The following SLC26A6 variants were observed in gnomAD, a reference collection of about 807,000 sequenced individuals.
The protein encoded by SLC26A6 is anion exchange transporter.
In SLC26A6, 67 loss-of-function variants were observed where a neutral mutation model predicts 87.1. That is an observed-to-expected ratio of 0.77 (90% confidence interval 0.63 to 0.94). The LOEUF (loss-of-function observed/expected upper bound fraction) is 0.94. SLC26A6 is among the 40% of genes least tolerant of loss of function. The pLI is 0.00. For missense variants in SLC26A6, 902 were observed against 973.0 expected, an observed-to-expected ratio of 0.93 and a Z score of 0.97; for synonymous variants, 414 against 405.9, an observed-to-expected ratio of 1.02 and a Z score of -0.24.
intron 7 of SLC26A6, 98 bp from the exon 8 acceptor site, chr3:48,631,404 C>T: frequency 7.4e-7 from 1 of 1,357,512 alleles, no homozygotes; most frequent in Admixed American, 2.8e-5. Context: ...CTGGGCAAAA[C>T]CTTCTTCGAG....
rs184187143 is a variant in SLC26A6, at chr3:48,628,699, C to A, written c.1615G>T (p.Gly539Trp). ...GCCGAGGAGCGGAAGACCTTCACCC[C>A]CCGGACTTCCTTGGCCTGGGGATGA... ...AEYSEAKEVR[G>W]VKVFRSSATV... The change falls in exon 15 of 21, where the codon GGG (glycine) becomes TGG (tryptophan). Residue 539 changes from glycine to tryptophan, a missense_variant. Coordinates refer to ENST00000395550, the MANE Select transcript of SLC26A6 (RefSeq NM_022911.3). The surrounding 1 kb of genome is among the most constrained non-coding windows in gnomAD (Gnocchi z 4.4). 3 of 1,613,402 alleles carry A rather than the reference C, an allele frequency of 1.9e-6. No individual in the cohort carries two copies. The highest frequency in any genetic ancestry group is 1.7e-5 in the Admixed American group (1 of 60,002).
chr3:48,635,427 C>T lies in SLC26A6; in HGVS notation c.-34G>A. The T allele has an allele frequency of 6.4e-7, 1 of 1,567,484 alleles. No homozygotes were observed. The highest frequency in any genetic ancestry group is 8.6e-7 in the Non-Finnish European group (1 of 1,158,022). On this transcript the variant is annotated 5_prime_UTR_variant, in exon 1 of 21. Transcript: ENST00000395550. ...AGTTGTCCGGTGCGGGCTGCTCCTG[C>T]TGCTCGAGCTAGAGGCCGCTACGCT... is the stretch of plus-strand genomic sequence containing the variant.
chr3:48,631,324 G>A lies in SLC26A6; in HGVS notation c.904-18C>T. The A allele has an allele frequency of 6.4e-7, 1 of 1,556,476 alleles. No homozygotes were observed. The highest frequency in any genetic ancestry group is 8.7e-7 in the Non-Finnish European group (1 of 1,151,084). ...CCGATGAGCTGTGGGAGAGGACAGA[G>A]TCAGGGAGGCAGGTGCTGGCACCAT... On this transcript the variant is annotated intron_variant, in intron 7 of 20. Transcript: ENST00000395550.
chr3:48,627,731 G>A (rs2046665576), intron 17 of SLC26A6: 1 of 449,246 alleles, frequency 2.2e-6, no homozygotes, highest in Admixed American at 4.5e-5. Context: ...ACAAATTCAA[G>A]GTCTTCATCT....
rs186591921 is a variant in SLC26A6 at position 48,626,290 on chromosome 3, G to T, written c.2193C>A (p.Leu731=). 3.2e-4 allele frequency: 523 copies of T among 1,614,076 alleles called. No individual in the cohort carries two copies. The highest frequency in any genetic ancestry group is 4.3e-4 in the Admixed American group (26 of 60,026). The change falls in exon 20 of 21, where the codon CTC becomes CTA. Residue 731 remains leucine, a synonymous_variant. Coordinates refer to ENST00000395550, the MANE Select transcript of SLC26A6 (RefSeq NM_022911.3). ...TGACAGCATCATGGACAGAGGCAAA[G>T]AGATGCTTCTTGGTGATGGATGCAT... is the stretch of plus-strand genomic sequence containing the variant. ...FFDASITKKH[L]FASVHDAVTF...
chr3:48,628,101 A>C lies in SLC26A6; in HGVS notation c.1801-63T>G. On this transcript the variant is annotated intron_variant, in intron 16 of 20. Coordinates refer to ENST00000395550, the MANE Select transcript of SLC26A6 (RefSeq NM_022911.3). This position sits in a 1 kb window ranked among gnomAD's most constrained non-coding sequence, Gnocchi z 4.4. ...CCGGCTGCCATGACAGCCATGTCAC[A>C]TAGGCCTGGTGATGCCCCCTGGTGC... 1 of 1,443,084 alleles carries C rather than the reference A, an allele frequency of 6.9e-7. No homozygotes were observed. Among genetic ancestry groups the C allele is most frequent in the Non-Finnish European group, 9.4e-7 (1 of 1,066,234 alleles). The allele number at this position is 1,443,084 out of a possible 1,614,324, so 89.4% of individuals were successfully genotyped here. A position where few individuals can be genotyped will look rare whatever the true frequency, so the allele number is the denominator to read the frequency against.
In SLC26A6 at chr3:48,625,950, C is replaced by T; in HGVS notation, c.*36G>A. The stretch of plus-strand genomic sequence containing the variant: ...GGGGCTTCTCAAGGGTGCCCTGCAC[C>T]TCCAGAGGTGCAGTCTTGGGCAGGA... On this transcript the variant is annotated 3_prime_UTR_variant, in exon 21 of 21. Transcript: ENST00000395550. This position sits in a 1 kb window ranked among gnomAD's most constrained non-coding sequence, Gnocchi z 4.7. The T allele has an allele frequency of 1.9e-6, 3 of 1,613,620 alleles. No homozygotes were observed. The highest frequency in any genetic ancestry group is 2.2e-5 in the South Asian group (2 of 90,950).
intron 9 of SLC26A6, 126 bp from the exon 10 acceptor site, chr3:48,630,846 T>A (rs2046766897): frequency 2.7e-6 from 4 of 1,494,740 alleles, no homozygotes; most frequent in Non-Finnish European, 3.7e-6. Flanking sequence ...CTGGATGCTG[T>A]CCCACACGTC....
intron 17 of SLC26A6, chr3:48,627,657 T>A (rs1016418731): frequency 3.6e-6 from 1 of 279,138 alleles, no homozygotes; most frequent in Non-Finnish European, 6.6e-6. Flanking sequence ...CTTGATTTTC[T>A]CCCATATACC....
chr3:48,632,834 G>T (rs1225015784), intron 4 of SLC26A6, 140 bp downstream of exon 4: 2 of 837,602 alleles, frequency 2.4e-6, no homozygotes, highest in African/African-American at 1.7e-5. Flanking sequence ...GCCTGGGGAT[G>T]ACTCGTGGGC....
Position 48,635,450 on chromosome 3 carries a change from G to A in SLC26A6, c.-57C>T, listed in dbSNP as rs2046931354. The A allele has an allele frequency of 1.9e-6, 3 of 1,546,988 alleles. No homozygotes were observed. The highest frequency in any genetic ancestry group is 3.9e-5 in the Admixed American group (2 of 51,654). ...TGCTGCTCGAGCTAGAGGCCGCTAC[G>A]CTCCGGAAGGCGGCGCCGGGACCGG... On this transcript the variant is annotated 5_prime_UTR_variant, in exon 1 of 21. Coordinates refer to ENST00000395550, the MANE Select transcript of SLC26A6 (RefSeq NM_022911.3).
rs1197326223 is a variant in SLC26A6 at position 48,629,942 on chromosome 3, G to T, written c.1459C>A (p.Leu487Met). The change falls in exon 13 of 21, where the codon CTG becomes ATG. Residue 487 changes from leucine to methionine, a missense_variant. Leu to Met is a conservative substitution (Grantham distance 15, BLOSUM62 2). Transcript: ENST00000395550. Reference protein sequence around the residue: ...WLVTFTATILLNLDLGLVVAV... With the variant: ...WLVTFTATILMNLDLGLVVAV... ...ACCACCAAGCCAAGGTCCAGGTTCA[G>T]CAAGATGGTGGCCGTGAAGGTCACC... The T allele has an allele frequency of 1.9e-6, 3 of 1,614,148 alleles. No individual in the cohort carries two copies. The highest frequency in any genetic ancestry group is 2.2e-5 in the East Asian group (1 of 44,882).
At chr3:48,627,917 G>A in intron 17 of SLC26A6, 29 bp downstream of exon 17, 1 of 1,572,212 alleles carries the variant, frequency 6.4e-7, no homozygotes, top group Middle Eastern at 1.7e-4. Context: ...GCTCACAGCT[G>A]TCACCTCCTT....
At position 48,630,092 on chromosome 3, in the gene SLC26A6, G is replaced by C; in HGVS notation, c.1392C>G (p.Arg464=). ...KGMLRQLSDM[R]SLWKANRADL... is the part of the protein sequence containing the mutation. ...CCGCCCGATTGGCCTTCCAGAGGGA[G>C]CGCATGTCGCTGAGCTGCCTCAGCA... The change falls in exon 12 of 21, where the codon CGC becomes CGG. Residue 464 remains arginine, a synonymous_variant. Transcript: ENST00000395550. 2 of 1,612,008 alleles carry C rather than the reference G, an allele frequency of 1.2e-6. No individual in the cohort carries two copies. The highest frequency in any genetic ancestry group is 8.5e-7 in the Non-Finnish European group (1 of 1,178,528).
rs750656771 is a variant in SLC26A6 at position 48,633,955 on chromosome 3, GC to G, written c.24-321del. 42 of 1,018,142 alleles carry G rather than the reference GC, an allele frequency of 4.1e-5. No homozygotes were observed. The East Asian group carries it at 4.8e-4, about 12-fold the overall frequency. 63.1% of individuals were successfully genotyped at this position (1,018,142 alleles called of 1,614,324 possible). The stretch of plus-strand genomic sequence containing the variant: ...GTTCTACCAGTCCAGGTCCCAGGCT[GC>G]TCCCTCCCCCACCCAGTCCCTCTCC... On this transcript the variant is annotated intron_variant, in intron 1 of 20. Coordinates refer to ENST00000395550, the MANE Select transcript of SLC26A6 (RefSeq NM_022911.3).
rs1422041312 is a variant in SLC26A6 at position 48,630,222 on chromosome 3, G to A, written c.1327-65C>T. The A allele has an allele frequency of 6.4e-6, 10 of 1,565,060 alleles. No individual in the cohort carries two copies. In the East Asian group the frequency reaches 6.8e-5, roughly 11 times the overall value. On this transcript the variant is annotated intron_variant, in intron 11 of 20. Coordinates refer to ENST00000395550, the MANE Select transcript of SLC26A6 (RefSeq NM_022911.3). ...CCCGATGCTGACAACCCTCCTCACC[G>A]AGGCAAAGCCAGACTAAGCCCAAGC... is the stretch of plus-strand genomic sequence containing the variant.
rs909606112 is a variant in SLC26A6, at chr3:48,628,338, G to T, written c.1800+96C>A. ...ATGAGGGAGAAAGGGGAAGGGATGA[G>T]GAGTGAGGACGAGGGAGGAGTCGGG... On this transcript the variant is annotated intron_variant, in intron 16 of 20. Coordinates refer to ENST00000395550, the MANE Select transcript of SLC26A6 (RefSeq NM_022911.3). The surrounding 1 kb of genome is among the most constrained non-coding windows in gnomAD (Gnocchi z 4.4). 65 of 1,502,874 alleles carry T rather than the reference G, an allele frequency of 4.3e-5. No individual in the cohort carries two copies. In the Admixed American group the frequency reaches 1.1e-3, roughly 26 times the overall value. The allele number at this position is 1,502,874 out of a possible 1,614,324, so 93.1% of individuals were successfully genotyped here. A position where few individuals can be genotyped will look rare whatever the true frequency, so the allele number is the denominator to read the frequency against.
rs749941600 is a variant in SLC26A6, at chr3:48,628,587, G to A, written c.1692+35C>T. The A allele has an allele frequency of 2.5e-6, 4 of 1,613,874 alleles. No homozygotes were observed. The African/African-American group carries it at 5.3e-5, about 22-fold the overall frequency. On this transcript the variant is annotated intron_variant, in intron 15 of 20. Transcript: ENST00000395550. The surrounding 1 kb of genome is among the most constrained non-coding windows in gnomAD (Gnocchi z 4.4). ...AGGGTTGGTGAGCTCTCTGGGAGCT[G>A]GGGCCTGACACCCATCCTGGGGACT...
chr3:48,626,003 G>A lies in SLC26A6; in HGVS notation c.2266-3C>T. The A allele has an allele frequency of 5.6e-6, 9 of 1,613,840 alleles. No homozygotes were observed. Among genetic ancestry groups the A allele is most frequent in the Non-Finnish European group, 7.6e-6 (9 of 1,179,910 alleles). On this transcript the variant is annotated splice_region_variant and splice_polypyrimidine_tract_variant and intron_variant, in intron 20 of 20. Coordinates refer to ENST00000395550, the MANE Select transcript of SLC26A6 (RefSeq NM_022911.3). ...TAGCATGTTCAGAGTCTGGTGACCTGAGCAGGCAGAGGAGGGGAGGCTCTA... is the reference window on the plus strand; with the variant it reads ...TAGCATGTTCAGAGTCTGGTGACCTAAGCAGGCAGAGGAGGGGAGGCTCTA...
Sources: gnomAD v4.1 joint callset for allele counts on GRCh38, gnomAD v4.1.1 for gene constraint, Gnocchi (gnomAD v3.1) non-coding constraint, MANE v1.5 for transcripts, NCBI Gene and HGNC (gene_info 2026-07-23, HGNC 2026-07-21) for gene names.